TPTE: variants seen among roughly 807,000 people sequenced by gnomAD.
TPTE encodes the protein transmembrane phosphatase with tensin homology.
In TPTE, 59 loss-of-function variants were observed where a neutral mutation model predicts 84.1. That is an observed-to-expected ratio of 0.70 (90% CI 0.57 to 0.87). The LOEUF (loss-of-function observed/expected upper bound fraction) is 0.87. Among genes scored for constraint, TPTE ranks in the 40% least tolerant of loss-of-function variants. The probability of loss-of-function intolerance (pLI) is 0.00; values close to 1 mark genes in which losing one functional copy is unlikely to be tolerated. For synonymous variants in TPTE, 130 were observed against 223.5 expected, an observed-to-expected ratio of 0.58 and a Z score of 3.73; for missense variants, 382 against 659.6, an observed-to-expected ratio of 0.58 and a Z score of 4.61.
chr21:10,525,589 C>A (rs1283047853), intron 2 of TPTE, among the ~76,000 whole-genome samples: 1 of 152,308 alleles, frequency 6.6e-6, no homozygotes, highest in African/African-American at 2.4e-5. Flanking sequence ...TCATTATAAC[C>A]TGGTAGCATG....
chr21:10,565,958 C>A (rs1303888337), intron 10 of TPTE, among the ~76,000 whole-genome samples: 2 of 152,310 alleles, frequency 1.3e-5, no homozygotes, highest in Non-Finnish European at 2.9e-5. Flanking sequence ...GCAAAAATTA[C>A]TTGGGCTATA....
At chr21:10,527,330 G>C (rs1038684192) in intron 2 of TPTE, 25 bp from the exon 3 acceptor site, 1 of 152,780 alleles carries the variant, frequency 6.5e-6, no homozygotes, top group African/African-American at 2.4e-5. Flanking sequence ...TTTATTTTTT[G>C]TATGTGCTTT....
At chr21:10,562,011 C>T (rs1184002044) in intron 10 of TPTE, among the ~76,000 whole-genome samples, 1 of 152,304 alleles carries the variant, frequency 6.6e-6, no homozygotes, top group Non-Finnish European at 1.5e-5. Context: ...TGTCACTCAA[C>T]CCCAAGCTTT....
chr21:10,526,434 G>T (rs1253760210), intron 2 of TPTE, among the ~76,000 whole-genome samples: 1 of 152,312 alleles, frequency 6.6e-6, no homozygotes, highest in Non-Finnish European at 1.5e-5. Context: ...TTAATATATT[G>T]TTTCCAAAAT....
At chr21:10,588,741 A>C (rs2075411938) in intron 17 of TPTE, among the ~76,000 whole-genome samples, 1 of 152,312 alleles carries the variant, frequency 6.6e-6, no homozygotes, top group African/African-American at 2.4e-5. Context: ...TGACTGGATT[A>C]GTTCAAAAGA....
intron 20 of TPTE, among the ~76,000 whole-genome samples, chr21:10,596,526 A>AT (rs1203207024): frequency 6.6e-5 from 10 of 151,364 alleles, no homozygotes; most frequent in South Asian, 6.2e-4. Flanking sequence ...TTTTAGAGGC[A>AT]TTTTTTTTCT....
intron 10 of TPTE, among the ~76,000 whole-genome samples, chr21:10,566,771 G>A (rs1381162214): frequency 3.9e-5 from 6 of 152,304 alleles, no homozygotes; most frequent in Admixed American, 3.9e-4. Context: ...GAAGTCGGGA[G>A]TTCGAGACCA....
chr21:10,550,509 AG>A (rs1228238205), intron 7 of TPTE, among the ~76,000 whole-genome samples: 10 of 152,426 alleles, frequency 6.6e-5, no homozygotes, highest in African/African-American at 2.4e-4. Context: ...GTAATAATAA[AG>A]GGTTCAATTC....
intron 8 of TPTE, among the ~76,000 whole-genome samples, chr21:10,556,479 T>A (rs558652263): frequency 6.6e-6 from 1 of 152,428 alleles, no homozygotes; most frequent in South Asian, 2.1e-4. Context: ...TCTTTGCTAT[T>A]GTGAATAGTG....
At position 10,592,229 on chromosome 21, in the gene TPTE, G is replaced by A. The variant is rs1298851938; in HGVS notation, c.1090-64G>A. The A allele has an allele frequency of 4.4e-6, 7 of 1,604,078 alleles. No individual in the cohort carries two copies. The East Asian group carries it at 6.7e-5, about 15-fold the overall frequency. On this transcript the variant is annotated intron_variant, in intron 18 of 23. Transcript: ENST00000618007. ...GAAGGTGGGCGTAGAAACACTAAGGGTACCTAATATAGGAAAGGAAAGAGT... is the reference window on the plus strand; with the variant it reads ...GAAGGTGGGCGTAGAAACACTAAGGATACCTAATATAGGAAAGGAAAGAGT...
intron 4 of TPTE, 46 bp from the exon 5 acceptor site, chr21:10,541,066 T>C (rs2074360156): frequency 1.2e-6 from 2 of 1,610,726 alleles, no homozygotes; most frequent in African/African-American, 2.7e-5. Flanking sequence ...TTGCAAAACA[T>C]TAGAATTACG....
chr21:10,547,136 A>G (rs2074483309), intron 7 of TPTE, among the ~76,000 whole-genome samples: 1 of 152,310 alleles, frequency 6.6e-6, no homozygotes, highest in African/African-American at 2.4e-5. Flanking sequence ...ACAATCATTG[A>G]CTATTCTGAA....
At chr21:10,603,296 TAGC>T (rs573208823) in intron 22 of TPTE, among the ~76,000 whole-genome samples, 6 of 152,410 alleles carry the variant, frequency 3.9e-5, no homozygotes, top group South Asian at 2.1e-4. Flanking sequence ...CAGATTCAAA[TAGC>T]AGCATTTAAA....
At chr21:10,543,216 T>C in intron 6 of TPTE, 113 bp from the exon 7 acceptor site, 1 of 1,371,464 alleles carries the variant, frequency 7.3e-7, no homozygotes, top group South Asian at 1.2e-5. Flanking sequence ...GTATTTTTAG[T>C]AGAGACGGGG....
intron 7 of TPTE, among the ~76,000 whole-genome samples, chr21:10,544,534 G>C (rs1291219207): frequency 1.3e-5 from 2 of 152,304 alleles, no homozygotes; most frequent in Non-Finnish European, 2.9e-5. Flanking sequence ...GCAGTCATGT[G>C]CCACCATGCC....
At chr21:10,568,529 G>A (rs1164820837) in intron 11 of TPTE, among the ~76,000 whole-genome samples, 3 of 152,308 alleles carry the variant, frequency 2.0e-5, no homozygotes, top group Non-Finnish European at 4.4e-5. Flanking sequence ...TGTAGATGGT[G>A]GCTTCCTAAG....
At chr21:10,576,223 T>TACC in intron 14 of TPTE, 1 of 171,368 alleles carries the variant, frequency 5.8e-6, no homozygotes, top group East Asian at 1.8e-4. Flanking sequence ...ATATGGTACA[T>TACC]AGAGCGGGAC....
chr21:10,536,626 A>G (rs949347560), intron 3 of TPTE, among the ~76,000 whole-genome samples: 27 of 152,292 alleles, frequency 1.8e-4, no homozygotes, highest in Admixed American at 9.8e-4. Flanking sequence ...AGAGAGAAAG[A>G]TGAAGATTAT....
At chr21:10,558,653 T>C (rs1295056741) in intron 8 of TPTE, among the ~76,000 whole-genome samples, 1 of 152,304 alleles carries the variant, frequency 6.6e-6, no homozygotes, top group Non-Finnish European at 1.5e-5. Flanking sequence ...CTGTGAGCAT[T>C]GTCTTAGGAT....
Sources: allele counts gnomAD v4.1 joint callset (sites outside exome capture counted in the v4.1 genomes callset), GRCh38; gene constraint gnomAD v4.1.1; transcripts MANE v1.5; gene names NCBI Gene and HGNC (gene_info 2026-07-23, HGNC 2026-07-21).